NRXN1: variants seen among roughly 807,000 people sequenced by gnomAD.
NRXN1 encodes the protein neurexin-1.
Under a neutral mutation model 150.9 loss-of-function variants are expected in NRXN1, and 39 were observed. The observed-to-expected ratio is 0.26, with a 90% CI of 0.20 to 0.34. NRXN1 has a LOEUF of 0.34. Among genes scored for constraint, NRXN1 ranks in the 10% least tolerant of loss-of-function variants. The pLI is 1.00. For missense variants in NRXN1, 1,815 were observed against 1,949.9 expected (o/e 0.93, Z 1.30); for synonymous variants, 924 against 757.0 (o/e 1.22, Z -3.62).
intron 17 of NRXN1, among the ~76,000 whole-genome samples, chr2:50,286,084 T>C (rs1015160000): frequency 6.6e-6 from 1 of 152,186 alleles, no homozygotes; most frequent in Non-Finnish European, 1.5e-5. Context: ...CATTGCAGAA[T>C]GACTAAATCT....
At chr2:50,419,139 T>G (rs2083774822) in intron 17 of NRXN1, among the ~76,000 whole-genome samples, 1 of 152,138 alleles carries the variant, frequency 6.6e-6, no homozygotes, top group African/African-American at 2.4e-5. Context: ...TGTTCCCATT[T>G]GATCTGTCAA....
chr2:50,832,572 T>C (rs1287658075), intron 5 of NRXN1, among the ~76,000 whole-genome samples: 1 of 152,130 alleles, frequency 6.6e-6, no homozygotes, highest in African/African-American at 2.4e-5. Flanking sequence ...GGGAACTGCT[T>C]GAACCCAGTA....
chr2:50,935,914 T>C (rs562302054), intron 2 of NRXN1, among the ~76,000 whole-genome samples: 1 of 152,270 alleles, frequency 6.6e-6, no homozygotes, highest in African/African-American at 2.4e-5. Flanking sequence ...CCAAGTCTAT[T>C]TTCAGTGTTG....
chr2:50,538,535 T>C lies in NRXN1; in HGVS notation c.1861A>G (p.Asn621Asp), dbSNP rs1386732823. ...GTGGGGAAGACAAGGCCAGCTTTATTTTCTGGCAGCCCCCCCAGGTACAAC... is the reference window on the plus strand; with the variant it reads ...GTGGGGAAGACAAGGCCAGCTTTATCTTCTGGCAGCCCCCCCAGGTACAAC... ...DELYLGGLPE[N>D]KAGLVFPTEV... The change falls in exon 10 of 23, where the codon AAT becomes GAT. Residue 621 changes from asparagine to aspartate, a missense_variant. Asn to Asp is a conservative substitution (Grantham distance 23). Around this residue, in one of 6 missense-constraint regions of NRXN1, gnomAD observed 638 missense variants for 652.6 expected, o/e 0.98. Coordinates refer to ENST00000401669, the MANE Select transcript of NRXN1 (RefSeq NM_001330078.2). 1.3e-6 allele frequency: 2 copies of C among 1,592,930 alleles called. No individual in the cohort carries two copies. The highest frequency in any genetic ancestry group is 1.1e-5 in the South Asian group (1 of 87,542).
At chr2:50,085,979 T>C (rs1344297718) in intron 19 of NRXN1, among the ~76,000 whole-genome samples, 2 of 152,126 alleles carry the variant, frequency 1.3e-5, no homozygotes, top group African/African-American at 2.4e-5. Flanking sequence ...CCAAGTGTAG[T>C]TTTTACTCTG....
intron 18 of NRXN1, among the ~76,000 whole-genome samples, chr2:50,217,007 C>T (rs949976043): frequency 6.6e-6 from 1 of 152,056 alleles, no homozygotes; most frequent in African/African-American, 2.4e-5. Flanking sequence ...CCCAGTAATA[C>T]TTTCAAGGGT....
At chr2:50,987,957 T>G (rs762606499) in intron 2 of NRXN1, among the ~76,000 whole-genome samples, 4 of 151,992 alleles carry the variant, frequency 2.6e-5, no homozygotes, top group Non-Finnish European at 5.9e-5. Context: ...AATGGATTAA[T>G]TTTTTAGGCC....
chr2:50,904,871 G>C (rs1469922848), intron 5 of NRXN1, among the ~76,000 whole-genome samples: 1 of 152,022 alleles, frequency 6.6e-6, no homozygotes, highest in Non-Finnish European at 1.5e-5. Context: ...TTCTCCCACA[G>C]GCACTTTCAG....
chr2:50,902,398 G>T (rs1335295101), intron 5 of NRXN1, among the ~76,000 whole-genome samples: 1 of 150,476 alleles, frequency 6.6e-6, no homozygotes, highest in Non-Finnish European at 1.5e-5. Flanking sequence ...AAAAAAAAGA[G>T]GTCATAAATA....
intron 17 of NRXN1, among the ~76,000 whole-genome samples, chr2:50,361,486 T>A (rs894385758): frequency 6.6e-6 from 1 of 152,078 alleles, no homozygotes; most frequent in African/African-American, 2.4e-5. Flanking sequence ...TATAAACACC[T>A]CTATGCAAAT....
intron 18 of NRXN1, among the ~76,000 whole-genome samples, chr2:50,134,770 A>ACAAACTGAG (rs1384043612): frequency 3.3e-5 from 5 of 152,120 alleles, no homozygotes; most frequent in Admixed American, 2.6e-4. Flanking sequence ...TTTTACACTC[A>ACAAACTGAG]CAAACTGAGT....
intron 15 of NRXN1, among the ~76,000 whole-genome samples, chr2:50,491,904 C>G (rs557330906): frequency 2.2e-4 from 33 of 152,220 alleles, no homozygotes; most frequent in African/African-American, 6.5e-4. Context: ...TTTCCCTCAA[C>G]TAGATTAATA....
chr2:50,271,450 T>G (rs2069615206), intron 17 of NRXN1, among the ~76,000 whole-genome samples: 1 of 152,214 alleles, frequency 6.6e-6, no homozygotes, highest in Non-Finnish European at 1.5e-5. Flanking sequence ...GCAGTGCAAC[T>G]AAGAGCTATT....
chr2:50,916,062 G>A (rs1359921796), intron 5 of NRXN1, among the ~76,000 whole-genome samples: 2 of 145,924 alleles, frequency 1.4e-5, no homozygotes, highest in Admixed American at 1.4e-4. Flanking sequence ...ATAAAAATCT[G>A]TGAATGGTTT....
chr2:49,930,351 C>G (rs569622436), intron 22 of NRXN1, among the ~76,000 whole-genome samples: 5 of 152,050 alleles, frequency 3.3e-5, no homozygotes, highest in African/African-American at 9.7e-5. Context: ...GTACATATGA[C>G]GGACCAAGAG....
At chr2:50,308,451 C>G (rs2074854019) in intron 17 of NRXN1, among the ~76,000 whole-genome samples, 1 of 152,092 alleles carries the variant, frequency 6.6e-6, no homozygotes, top group Admixed American at 6.6e-5. Flanking sequence ...CCTCAGCCTC[C>G]CAAGCAACTA....
intron 5 of NRXN1, among the ~76,000 whole-genome samples, chr2:50,743,370 C>G (rs951978828): frequency 1.3e-5 from 2 of 152,058 alleles, no homozygotes; most frequent in Non-Finnish European, 2.9e-5. Flanking sequence ...GGGTGGCAAA[C>G]TAAATACAGG....
chr2:50,413,442 C>T (rs112746815), intron 17 of NRXN1, among the ~76,000 whole-genome samples: 3,764 of 152,088 alleles, frequency 0.025, 65 homozygotes, highest in Middle Eastern at 0.037. Flanking sequence ...CACAGATCAT[C>T]GGAGAAATGG....
intron 5 of NRXN1, among the ~76,000 whole-genome samples, chr2:50,868,626 A>G (rs1677314846): frequency 6.6e-6 from 1 of 151,888 alleles, no homozygotes; most frequent in Admixed American, 6.6e-5. Flanking sequence ...ACATAAGCAT[A>G]TTATCATAAT....
Sources: allele counts gnomAD v4.1 joint callset (sites outside exome capture counted in the v4.1 genomes callset), GRCh38; gene constraint gnomAD v4.1.1; regional missense constraint gnomAD v4.1.1; transcripts MANE v1.5; gene names NCBI Gene and HGNC (gene_info 2026-07-23, HGNC 2026-07-21).